UBR3: variants seen among roughly 807,000 people sequenced by gnomAD.
The protein encoded by UBR3 is ubiquitin protein ligase E3 component n-recognin 3.
UBR3 carries 85 observed loss-of-function variants against 243.2 expected under a neutral mutation model. That is an observed-to-expected ratio of 0.35 (90% CI 0.29 to 0.42). The LOEUF (loss-of-function observed/expected upper bound fraction) is 0.42, where lower values mean the gene tolerates loss of function less well. Among genes scored for constraint, UBR3 ranks in the 10% least tolerant of loss-of-function variants. The pLI is 1.00. For synonymous variants in UBR3, 748 were observed against 799.8 expected, an observed-to-expected ratio of 0.94 and a Z score of 1.09; for missense variants, 1,686 against 2,300.8, an observed-to-expected ratio of 0.73 and a Z score of 5.47.
At chr2:169,967,737 G>T (rs948812705) in intron 24 of UBR3, among the ~76,000 whole-genome samples, 1 of 152,014 alleles carries the variant, frequency 6.6e-6, no homozygotes. Context: ...GGAAGGAGTT[G>T]TTTTATTTAA....
intron 30 of UBR3, among the ~76,000 whole-genome samples, chr2:170,027,921 C>T (rs530458122): frequency 6.6e-6 from 1 of 151,874 alleles, no homozygotes; most frequent in South Asian, 2.1e-4. Flanking sequence ...ACTTAACTTG[C>T]CTCAAAAGTG....
Position 169,967,681 on chromosome 2 carries a change from G to A in UBR3, c.3634+9155G>A, listed in dbSNP as rs142122563. Among the ~76,000 whole-genome samples the A allele has an allele frequency of 1.1e-3, 174 of 152,288 alleles. 3 individuals carry two copies. The highest frequency in any genetic ancestry group is 3.7e-3 in the African/African-American group (155 of 41,568). ...GAAAGTAGGAGAGTCTGAGCTGAGA[G>A]CAGCCACATTGCAGGATTTGGTTGA... On this transcript the variant is annotated intron_variant, in intron 24 of 38. Transcript: ENST00000272793.
chr2:170,008,968 G>A (rs765610363), intron 29 of UBR3, 28 bp downstream of exon 29: 5 of 1,379,202 alleles, frequency 3.6e-6, no homozygotes, highest in Admixed American at 5.4e-5. Flanking sequence ...ATACTTTTTA[G>A]TTTACTTACT....
At chr2:169,952,841 A>T (rs1375306343) in intron 23 of UBR3, among the ~76,000 whole-genome samples, 1 of 152,178 alleles carries the variant, frequency 6.6e-6, no homozygotes, top group South Asian at 2.1e-4. Flanking sequence ...AGTAACATAT[A>T]ATTCAGATGA....
At chr2:169,956,300 T>TTCTA (rs1553519140) in intron 23 of UBR3, among the ~76,000 whole-genome samples, 1 of 147,010 alleles carries the variant, frequency 6.8e-6, no homozygotes, top group East Asian at 2.0e-4. Flanking sequence ...AACTAAAATG[T>TTCTA]TATATATATA....
intron 32 of UBR3, among the ~76,000 whole-genome samples, chr2:170,041,283 TA>T (rs1261251297): frequency 1.3e-5 from 2 of 152,220 alleles, no homozygotes; most frequent in Non-Finnish European, 2.9e-5. Flanking sequence ...TAATCGTATC[TA>T]AAAAATGACA....
chr2:170,046,505 G>A (rs750001758), intron 32 of UBR3, among the ~76,000 whole-genome samples: 25 of 152,086 alleles, frequency 1.6e-4, no homozygotes, highest in Non-Finnish European at 2.5e-4. Context: ...GTCCCTGTGT[G>A]TGTCCTACAG....
rs922308863 is a variant in UBR3 at position 169,841,450 on chromosome 2, G to GC, written c.545+13405dup. Among the ~76,000 whole-genome samples the GC allele has an allele frequency of 1.5e-4, 23 of 152,242 alleles. No homozygotes were observed. In the East Asian group the frequency reaches 3.1e-3, roughly 21 times the overall value. ...TTGGTGGCATTTGAGGAGCCCTTTA[G>GC]CCCCCCCACTGCACTGTGGGAGCCC... is the stretch of plus-strand genomic sequence containing the variant. On this transcript the variant is annotated intron_variant, in intron 1 of 38. Coordinates refer to ENST00000272793, the MANE Select transcript of UBR3 (RefSeq NM_172070.4).
intron 35 of UBR3, among the ~76,000 whole-genome samples, chr2:170,062,832 G>T (rs2091481163): frequency 6.6e-6 from 1 of 152,172 alleles, no homozygotes; most frequent in Non-Finnish European, 1.5e-5. Flanking sequence ...AGTTGGTCTG[G>T]TGTTTGAGTG....
intron 1 of UBR3, among the ~76,000 whole-genome samples, chr2:169,845,531 GTCTTCT>G (rs1184360391): frequency 1.9e-4 from 20 of 105,200 alleles, no homozygotes; most frequent in South Asian, 5.4e-4. Context: ...CGTCGTCGTC[GTCTTCT>G]TCTTCTTCTT....
intron 1 of UBR3, among the ~76,000 whole-genome samples, chr2:169,863,266 A>G (rs1163481674): frequency 6.6e-6 from 1 of 152,126 alleles, no homozygotes; most frequent in East Asian, 1.9e-4. Flanking sequence ...TCTGGGGGTA[A>G]TGTTCTGTTT....
chr2:169,980,760 C>T (rs963375048), intron 24 of UBR3, among the ~76,000 whole-genome samples: 1 of 109,502 alleles, frequency 9.1e-6, no homozygotes, highest in Non-Finnish European at 1.8e-5. Context: ...AATGCTATCC[C>T]TCCCCCCTCC....
intron 35 of UBR3, among the ~76,000 whole-genome samples, chr2:170,067,545 AATATATATT>A (rs1350249187): frequency 6.6e-6 from 1 of 152,136 alleles, no homozygotes; most frequent in Non-Finnish European, 1.5e-5. Flanking sequence ...CAAACAGCAG[AATATATATT>A]ATATATATAC....
At chr2:169,856,611 A>C (rs1221731124) in intron 1 of UBR3, among the ~76,000 whole-genome samples, 1 of 152,158 alleles carries the variant, frequency 6.6e-6, no homozygotes, top group African/African-American at 2.4e-5. Flanking sequence ...CTGGCAGATC[A>C]CTCGCAGTCA....
chr2:169,835,212 T>G (rs1404455820), intron 1 of UBR3, among the ~76,000 whole-genome samples: 1 of 152,108 alleles, frequency 6.6e-6, no homozygotes, highest in Non-Finnish European at 1.5e-5. Context: ...AAAAATAATG[T>G]CAGGTATGGT....
intron 33 of UBR3, among the ~76,000 whole-genome samples, chr2:170,060,623 C>T (rs2091438192): frequency 6.6e-6 from 1 of 152,074 alleles, no homozygotes; most frequent in Admixed American, 6.5e-5. Flanking sequence ...AAATTTGCCA[C>T]ATTCGCTGCT....
chr2:169,891,583 A>G (rs959168788), intron 6 of UBR3, among the ~76,000 whole-genome samples: 27 of 145,564 alleles, frequency 1.9e-4, no homozygotes, highest in African/African-American at 6.6e-4. Context: ...AAAAAAGACA[A>G]GGGAGATGAC....
rs1310638736 is a variant in UBR3 at position 169,828,145 on chromosome 2, G to A, written c.545+93G>A. 12 of 1,276,714 alleles carry A rather than the reference G, an allele frequency of 9.4e-6. 1 individual carries two copies. Among genetic ancestry groups the A allele is most frequent in the Non-Finnish European group, 1.2e-5 (12 of 1,007,584 alleles). 79.1% of individuals were successfully genotyped at this position (1,276,714 alleles called of 1,614,324 possible). ...GAGCACTGGGAGCCCACTCTGAGCT[G>A]TCAAGGGGAGGGTGCGGGGGAGGGT... On this transcript the variant is annotated intron_variant, in intron 1 of 38. Coordinates refer to ENST00000272793, the MANE Select transcript of UBR3 (RefSeq NM_172070.4).
rs530977329 is a variant in UBR3 at position 170,069,959 on chromosome 2, T to C, written c.5020-3469T>C. Among the ~76,000 whole-genome samples the C allele has an allele frequency of 8.6e-4, 131 of 152,286 alleles. 1 individual carries two copies. In the Middle Eastern group the frequency reaches 0.017, roughly 20 times the overall value. On this transcript the variant is annotated intron_variant, in intron 35 of 38. Coordinates refer to ENST00000272793, the MANE Select transcript of UBR3 (RefSeq NM_172070.4). ...TACTTATAATACCTAATATAAATGC[T>C]ATACGAATAGTTATTATATTATTTG...
Sources: allele counts gnomAD v4.1 joint callset (sites outside exome capture counted in the v4.1 genomes callset), GRCh38; gene constraint gnomAD v4.1.1; transcripts MANE v1.5; gene names NCBI Gene and HGNC (gene_info 2026-07-23, HGNC 2026-07-21).